The following ARID3A variants were observed in gnomAD, a reference collection of about 807,000 sequenced individuals.
The protein encoded by ARID3A is AT-rich interactive domain-containing protein 3A.
A neutral mutation model predicts 52.7 loss-of-function variants in ARID3A; 11 were observed. The observed-to-expected ratio is 0.21, with a 90% CI of 0.13 to 0.35. The LOEUF (loss-of-function observed/expected upper bound fraction) is 0.35, where lower values mean the gene tolerates loss of function less well. ARID3A is among the 10% of genes least tolerant of loss of function. The pLI is 1.00. For synonymous variants in ARID3A, 404 were observed against 359.4 expected, an observed-to-expected ratio of 1.12 and a Z score of -1.40; for missense variants, 721 against 838.5, an observed-to-expected ratio of 0.86 and a Z score of 1.73.
intron 2 of ARID3A, among the ~76,000 whole-genome samples, chr19:930,841 C>A (rs2037312036): frequency 6.6e-6 from 1 of 151,214 alleles, no homozygotes; most frequent in Non-Finnish European, 1.5e-5. Flanking sequence ...CTTAAAGCAA[C>A]CTAGCCACCG....
At chr19:955,941 C>G (rs1158548770) in intron 3 of ARID3A, among the ~76,000 whole-genome samples, 1 of 152,176 alleles carries the variant, frequency 6.6e-6, no homozygotes, top group Non-Finnish European at 1.5e-5. Context: ...GCTGCGCTCC[C>G]TCCAGGGGCT....
At position 959,070 on chromosome 19, in the gene ARID3A, G is replaced by GGT. The variant is rs888462781; in HGVS notation, c.694-1014_694-1013dup. Among the ~76,000 whole-genome samples the GGT allele has an allele frequency of 6.6e-6, 1 of 152,158 alleles. No homozygotes were observed. The highest frequency in any genetic ancestry group is 2.4e-5 in the African/African-American group (1 of 41,440). On this transcript the variant is annotated intron_variant, in intron 3 of 8. Coordinates refer to ENST00000263620, the MANE Select transcript of ARID3A (RefSeq NM_005224.3). This position sits in a 1 kb window ranked among gnomAD's most constrained non-coding sequence, Gnocchi z 5.0. The stretch of plus-strand genomic sequence containing the variant: ...GGTGTGTGGGAGGCTCCACCCGTGA[G>GGT]GTGTGTGTGACTCACTGTTTGATGT...
At chr19:951,293 A>C (rs1484839191) in intron 3 of ARID3A, among the ~76,000 whole-genome samples, 1 of 148,482 alleles carries the variant, frequency 6.7e-6, no homozygotes, top group Non-Finnish European at 1.5e-5. Flanking sequence ...GCGGTGGCTC[A>C]TGCCTGTAAT....
At position 936,882 on chromosome 19, in the gene ARID3A, AT is replaced by A. The variant is rs988629214; in HGVS notation, c.693+4141del. On this transcript the variant is annotated intron_variant, in intron 3 of 8. Coordinates refer to ENST00000263620, the MANE Select transcript of ARID3A (RefSeq NM_005224.3). ...AATAAACCCTGACCCTTTAACTATTATCCCCCTATTCTACCAGCACGCCCCA... is the reference window on the plus strand; with the variant it reads ...AATAAACCCTGACCCTTTAACTATTACCCCCTATTCTACCAGCACGCCCCA... Among the ~76,000 whole-genome samples, 122 of 151,708 alleles carry A rather than the reference AT, an allele frequency of 8.0e-4. 1 individual carries two copies. The highest frequency in any genetic ancestry group is 2.8e-3 in the African/African-American group (115 of 41,302).
chr19:936,728 G>C (rs1021841929), intron 3 of ARID3A, among the ~76,000 whole-genome samples: 6 of 152,184 alleles, frequency 3.9e-5, no homozygotes, highest in Middle Eastern at 3.2e-3. Flanking sequence ...TGTAGTCCCA[G>C]CTACTTGGGA....
At position 965,010 on chromosome 19, in the gene ARID3A, C is replaced by T. The variant is rs765090962; in HGVS notation, c.1128C>T (p.Pro376=). The change falls in exon 6 of 9, where the codon CCC becomes CCT. Residue 376 remains proline (P), a synonymous_variant. Transcript: ENST00000263620. ...GCATGCTCTCCTCACCCAAGCTACC[C>T]GTGTCCTCCCTGGGCCTGGCCGCAA... ...AHGMLSSPKL[P]VSSLGLAAST... 35 of 1,613,534 alleles carry T rather than the reference C, an allele frequency of 2.2e-5. No individual in the cohort carries two copies. Among genetic ancestry groups the T allele is most frequent in the South Asian group, 5.5e-5 (5 of 91,072 alleles).
intron 6 of ARID3A, among the ~76,000 whole-genome samples, chr19:966,116 G>C (rs191155401): frequency 1.3e-5 from 2 of 151,006 alleles, no homozygotes; most frequent in Non-Finnish European, 2.9e-5. Context: ...AGCTGGGATC[G>C]CGCCACTGCC....
At chr19:925,933 G>C (rs1386040296), upstream of ARID3A, 2 of 147,496 alleles carry the variant, frequency 1.4e-5, no homozygotes, top group Non-Finnish European at 3.0e-5. Flanking sequence ...ATTTGCATCC[G>C]AGAGCGACTC....
At chr19:966,362 G>A (rs1291468269) in intron 6 of ARID3A, among the ~76,000 whole-genome samples, 1 of 151,290 alleles carries the variant, frequency 6.6e-6, no homozygotes, top group African/African-American at 2.4e-5. Context: ...GGAGGCTAAG[G>A]CAGGAGAATC....
intron 3 of ARID3A, among the ~76,000 whole-genome samples, chr19:945,821 G>T (rs544255629): frequency 1.3e-5 from 2 of 152,310 alleles, no homozygotes; most frequent in East Asian, 3.9e-4. Context: ...GCTGGGCTGC[G>T]TTTCTGTTCA....
chr19:935,510 C>G (rs2037420648), intron 3 of ARID3A, among the ~76,000 whole-genome samples: 1 of 152,204 alleles, frequency 6.6e-6, no homozygotes, highest in Admixed American at 6.5e-5. Context: ...CAGGGTCTTA[C>G]TCTGTCGGGT....
Position 972,337 on chromosome 19 carries a change from T to C in ARID3A, c.*272T>C, listed in dbSNP as rs1004425806. 13 of 212,954 alleles carry C rather than the reference T, an allele frequency of 6.1e-5. No homozygotes were observed. The South Asian group carries it at 1.9e-3, about 31-fold the overall frequency. The allele number at this position is 212,954 out of a possible 1,614,324, so 13.2% of individuals were successfully genotyped here. On this transcript the variant is annotated 3_prime_UTR_variant, in exon 9 of 9. Coordinates refer to ENST00000263620, the MANE Select transcript of ARID3A (RefSeq NM_005224.3). ...GGTTTTGGACATTCAGAGAGATGAA[T>C]TGTGAGAACAGCAAAGAAATCCATC...
intron 1 of ARID3A, among the ~76,000 whole-genome samples, chr19:926,883 TC>T (rs150653564): frequency 0.034 from 5,188 of 150,534 alleles, 298 homozygotes; most frequent in African/African-American, 0.12. Context: ...CTGGAGGGGT[TC>T]CCCCCCCCAT....
intron 2 of ARID3A, 135 bp from the exon 3 acceptor site, chr19:932,283 G>A: frequency 6.7e-7 from 1 of 1,493,962 alleles, no homozygotes; most frequent in East Asian, 2.4e-5. Context: ...AGCGCTCTCT[G>A]CAGTCTGAGC....
In ARID3A at chr19:929,219, A is replaced by G. The variant is rs2037264089; in HGVS notation, c.-267-43A>G. ...CATGGGGAAGGAAGGAGGGGGCTTGAGGAGCTCAGGCCTGCTCTGACTGTG... is the reference window on the plus strand; with the variant it reads ...CATGGGGAAGGAAGGAGGGGGCTTGGGGAGCTCAGGCCTGCTCTGACTGTG... On this transcript the variant is annotated intron_variant, in intron 1 of 8. Transcript: ENST00000263620. This position sits in a 1 kb window ranked among gnomAD's most constrained non-coding sequence, Gnocchi z 6.2. 3 of 180,918 alleles carry G rather than the reference A, an allele frequency of 1.7e-5. No homozygotes were observed. In the East Asian group the frequency reaches 3.6e-4, roughly 22 times the overall value. 11.2% of individuals were successfully genotyped at this position (180,918 alleles called of 1,614,324 possible). A position where few individuals can be genotyped will look rare whatever the true frequency, so the allele number is the denominator to read the frequency against.
intron 8 of ARID3A, 73 bp from the exon 9 acceptor site, chr19:971,805 T>A: frequency 6.7e-7 from 1 of 1,502,302 alleles, no homozygotes; most frequent in Non-Finnish European, 8.9e-7. Context: ...GAGCACCCCA[T>A]TGGGTCTCCC....
intron 3 of ARID3A, among the ~76,000 whole-genome samples, chr19:946,510 G>A (rs906701988): frequency 1.1e-4 from 15 of 138,042 alleles, no homozygotes; most frequent in Non-Finnish European, 1.8e-4. Context: ...TCGCGGTCTT[G>A]GCTCACTGCA....
Position 932,572 on chromosome 19 carries a change from C to A in ARID3A, c.523C>A (p.Arg175=). The change falls in exon 3 of 9, where the codon CGA becomes AGA. Residue 175 remains arginine (R), a synonymous_variant. Coordinates refer to ENST00000263620, the MANE Select transcript of ARID3A (RefSeq NM_005224.3). ...CTTGGGCACCACGGCACTGTTCCCC[C>A]GAAAGGCCCAGCCACCCCAGGCCTT... ...ASLGTTALFP[R]KAQPPQAFRG... is the part of the protein sequence containing the mutation. 1 of 1,503,974 alleles carries A rather than the reference C, an allele frequency of 6.6e-7. No homozygotes were observed. The highest frequency in any genetic ancestry group is 1.3e-5 in the South Asian group (1 of 78,054). 93.2% of individuals were successfully genotyped at this position (1,503,974 alleles called of 1,614,324 possible). A position where few individuals can be genotyped will look rare whatever the true frequency, so the allele number is the denominator to read the frequency against.
chr19:939,643 C>T (rs570781528), intron 3 of ARID3A, among the ~76,000 whole-genome samples: 7 of 152,188 alleles, frequency 4.6e-5, no homozygotes, highest in East Asian at 1.9e-4. Flanking sequence ...CCGCTGCCTT[C>T]GAGGAGCTGT....
Sources: allele counts gnomAD v4.1 joint callset (sites outside exome capture counted in the v4.1 genomes callset), GRCh38; gene constraint gnomAD v4.1.1; non-coding constraint Gnocchi (gnomAD v3.1); transcripts MANE v1.5; gene names NCBI Gene and HGNC (gene_info 2026-07-23, HGNC 2026-07-21).